Variants in GRIK4 observed in about 807,000 individuals in gnomAD.
GRIK4 encodes the protein glutamate receptor ionotropic, kainate 4.
A neutral mutation model predicts 104.9 loss-of-function variants in GRIK4; 40 were observed. The observed-to-expected ratio is 0.38, with a 90% CI of 0.30 to 0.50. GRIK4 has a LOEUF of 0.50. Among genes scored for constraint, GRIK4 ranks in the 20% least tolerant of loss-of-function variants. The probability of loss-of-function intolerance (pLI) is 0.93; values close to 1 mark genes in which losing one functional copy is unlikely to be tolerated. For synonymous variants in GRIK4, 485 were observed against 524.9 expected (o/e 0.92, Z 1.04); for missense variants, 1,047 against 1,308.1 (o/e 0.80, Z 3.08).
At chr11:120,749,319 G>A (rs1166630748) in intron 3 of GRIK4, among the ~76,000 whole-genome samples, 1 of 152,188 alleles carries the variant, frequency 6.6e-6, no homozygotes, top group Non-Finnish European at 1.5e-5. Context: ...AGGCTAGAAA[G>A]AAGCCCCCTC....
At chr11:120,601,647 G>GTT (rs779169082) in intron 1 of GRIK4, among the ~76,000 whole-genome samples, 46,604 of 124,974 alleles carry the variant, frequency 0.37, 9,119 homozygotes, top group African/African-American at 0.44. Flanking sequence ...TGTGTGTGTG[G>GTT]TTTTTTTTTT....
At chr11:120,885,263 G>A (rs530843663) in intron 11 of GRIK4, among the ~76,000 whole-genome samples, 12 of 152,200 alleles carry the variant, frequency 7.9e-5, no homozygotes, top group African/African-American at 1.4e-4. Context: ...CATGCACTCC[G>A]CACACGGCAA....
intron 4 of GRIK4, among the ~76,000 whole-genome samples, chr11:120,812,747 C>T (rs991913194): frequency 1.3e-5 from 2 of 152,290 alleles, no homozygotes; most frequent in South Asian, 4.2e-4. Flanking sequence ...GAGGGAAGGC[C>T]CTGTGGCAAC....
chr11:120,644,838 C>G lies in GRIK4; in HGVS notation c.-158-8847C>G, dbSNP rs11217935. On this transcript the variant is annotated intron_variant, in intron 1 of 20. Transcript: ENST00000527524. The stretch of plus-strand genomic sequence containing the variant: ...TTTCGGTCTTAGAGCATGTTAAGAA[C>G]TTGGTGGAACAAACCTTCACGTTGT... Among the ~76,000 whole-genome samples, 226 of 152,176 alleles carry G rather than the reference C, an allele frequency of 1.5e-3. 4 individuals carry two copies. In the East Asian group the frequency reaches 0.033, roughly 22 times the overall value.
intron 1 of GRIK4, among the ~76,000 whole-genome samples, chr11:120,570,681 G>T (rs925048035): frequency 6.6e-6 from 1 of 152,076 alleles, no homozygotes; most frequent in Non-Finnish European, 1.5e-5. Flanking sequence ...GTCTCGAACT[G>T]CTGGGTTCAA....
intron 3 of GRIK4, among the ~76,000 whole-genome samples, chr11:120,669,677 G>C (rs921271325): frequency 1.3e-5 from 2 of 152,154 alleles, no homozygotes; most frequent in Non-Finnish European, 1.5e-5. Context: ...TTGGCTTCTA[G>C]ACCACGCCCC....
At chr11:120,823,057 A>G (rs970690908) in intron 6 of GRIK4, among the ~76,000 whole-genome samples, 1 of 152,136 alleles carries the variant, frequency 6.6e-6, no homozygotes, top group East Asian at 1.9e-4. Context: ...CCACACGCCC[A>G]TTTTGGCAGG....
rs57401981 is a variant in GRIK4, at chr11:120,899,418, CAAAAAAAAAAAA to C, written c.1272+791_1272+802del. ...CCTGGGTGACAGAGTGAGACTGTCT[CAAAAAAAAAAAA>C]AAAAAAAAAAATACAGGGCAAGAGA... On this transcript the variant is annotated intron_variant, in intron 12 of 20. Transcript: ENST00000527524. Among the ~76,000 whole-genome samples the C allele has an allele frequency of 2.5e-3, 178 of 71,850 alleles. 1 individual carries two copies. The highest frequency in any genetic ancestry group is 8.0e-3 in the African/African-American group (162 of 20,196). The allele number at this position is 71,850 out of a possible 152,430, so 47.1% of individuals were successfully genotyped here.
At chr11:120,768,266 C>G (rs1423679411) in intron 3 of GRIK4, among the ~76,000 whole-genome samples, 1 of 151,912 alleles carries the variant, frequency 6.6e-6, no homozygotes, top group African/African-American at 2.4e-5. Flanking sequence ...AATTTTTCAC[C>G]TCCTTGATTA....
At chr11:120,651,683 C>T (rs1489504955) in intron 1 of GRIK4, among the ~76,000 whole-genome samples, 1 of 152,176 alleles carries the variant, frequency 6.6e-6, no homozygotes, top group Non-Finnish European at 1.5e-5. Flanking sequence ...AGAGTGAATG[C>T]TCATTACCCC....
chr11:120,981,758 G>T (rs951137815), intron 19 of GRIK4, among the ~76,000 whole-genome samples: 2 of 152,250 alleles, frequency 1.3e-5, no homozygotes, highest in East Asian at 1.9e-4. Context: ...CAGGTATTTT[G>T]GTGTCATGTC....
intron 1 of GRIK4, among the ~76,000 whole-genome samples, chr11:120,512,896 C>T (rs1947680956): frequency 6.6e-6 from 1 of 152,158 alleles, no homozygotes; most frequent in Admixed American, 6.5e-5. Context: ...GGGGCTGGGC[C>T]CCGGGCGCCT....
intron 13 of GRIK4, among the ~76,000 whole-genome samples, chr11:120,921,993 G>C (rs1172821966): frequency 6.6e-6 from 1 of 152,030 alleles, no homozygotes; most frequent in Non-Finnish European, 1.5e-5. Flanking sequence ...GCAGGCTGGA[G>C]GTCACAGAGC....
intron 8 of GRIK4, among the ~76,000 whole-genome samples, chr11:120,857,393 A>T (rs1954133124): frequency 6.6e-6 from 1 of 152,146 alleles, no homozygotes; most frequent in South Asian, 2.1e-4. Context: ...ATCTCAGGGT[A>T]ACATCTGCCC....
intron 3 of GRIK4, among the ~76,000 whole-genome samples, chr11:120,772,647 G>A (rs539290691): frequency 2.0e-5 from 3 of 152,106 alleles, no homozygotes; most frequent in East Asian, 1.9e-4. Context: ...ATGTGCGCGC[G>A]TGTGTGTGTG....
chr11:120,679,700 C>T (rs1046924980), intron 3 of GRIK4, among the ~76,000 whole-genome samples: 1 of 152,212 alleles, frequency 6.6e-6, no homozygotes, highest in Non-Finnish European at 1.5e-5. Context: ...ACCTCCCCTG[C>T]CCACCTCAGA....
chr11:120,794,730 G>C (rs1007483081), intron 3 of GRIK4, among the ~76,000 whole-genome samples: 1 of 152,176 alleles, frequency 6.6e-6, no homozygotes, highest in African/African-American at 2.4e-5. Flanking sequence ...GGTTGTTTAA[G>C]CCTTTCAGTC....
Position 120,986,264 on chromosome 11 carries a change from C to G in GRIK4, c.*4C>G, listed in dbSNP as rs761127391. 2 of 1,280,910 alleles carry G rather than the reference C, an allele frequency of 1.6e-6. No individual in the cohort carries two copies. Among genetic ancestry groups the G allele is most frequent in the South Asian group, 2.4e-5 (2 of 81,950 alleles). The allele number at this position is 1,280,910 out of a possible 1,614,324, so 79.3% of individuals were successfully genotyped here. ...CAACAGCAGCGAGCCCGAGTAGTCCCGGAGGCCACAGGACGCGCAGAGGCC... is the reference window on the plus strand; with the variant it reads ...CAACAGCAGCGAGCCCGAGTAGTCCGGGAGGCCACAGGACGCGCAGAGGCC... On this transcript the variant is annotated 3_prime_UTR_variant, in exon 21 of 21. Coordinates refer to ENST00000527524, the MANE Select transcript of GRIK4 (RefSeq NM_014619.5).
At chr11:120,580,804 A>C (rs1948571831) in intron 1 of GRIK4, among the ~76,000 whole-genome samples, 1 of 152,074 alleles carries the variant, frequency 6.6e-6, no homozygotes, top group Admixed American at 6.6e-5. Context: ...TGGGTTCTAT[A>C]TGGTAAGTGT....
Sources: gnomAD v4.1 joint callset for allele counts (sites outside exome capture counted in the v4.1 genomes callset) on GRCh38, gnomAD v4.1.1 for gene constraint, MANE v1.5 for transcripts, NCBI Gene and HGNC (gene_info 2026-07-23, HGNC 2026-07-21) for gene names.